The following RNF135 variants were observed in gnomAD, a reference collection of about 807,000 sequenced individuals.
RNF135 encodes the protein E3 ubiquitin-protein ligase RNF135.
Under a neutral mutation model 41.9 loss-of-function variants are expected in RNF135, and 46 were observed. The observed-to-expected ratio is 1.10, with a 90% CI of 0.87 to 1.40. RNF135 has a LOEUF of 1.40. Ranked by LOEUF, RNF135 falls within the 40% of genes most tolerant of loss-of-function variation. The probability of loss-of-function intolerance (pLI) is 0.00; values close to 1 mark genes in which losing one functional copy is unlikely to be tolerated. For missense variants in RNF135, 539 were observed against 549.8 expected, an observed-to-expected ratio of 0.98 and a Z score of 0.20; for synonymous variants, 238 against 223.8, an observed-to-expected ratio of 1.06 and a Z score of -0.57.
the RNF135 span, chr17:30,959,451 T>C: frequency 6.6e-6 from 1 of 152,160 alleles, no homozygotes; most frequent in Non-Finnish European, 1.5e-5. Flanking sequence ...TCCTGACAGA[T>C]AAAGTTCTCT....
chr17:30,992,036 A>G (rs1423386431), intron 3 of RNF135, among the ~76,000 whole-genome samples: 1 of 149,936 alleles, frequency 6.7e-6, no homozygotes, highest in African/African-American at 2.5e-5. Context: ...GGTTCAAGTG[A>G]TTCTCCTGCC....
intron 3 of RNF135, among the ~76,000 whole-genome samples, chr17:30,992,834 A>AT (rs1250573016): frequency 2.0e-5 from 3 of 151,428 alleles, no homozygotes; most frequent in East Asian, 3.9e-4. Flanking sequence ...AATTTTGTTC[A>AT]TTTTTTCTTT....
intron 1 of RNF135, chr17:30,978,754 G>A (rs1451556634): frequency 7.1e-5 from 9 of 126,936 alleles, no homozygotes; most frequent in African/African-American, 2.8e-4. Flanking sequence ...GGACCCTGCG[G>A]CCTTCCGCAG....
upstream of RNF135, among the ~76,000 whole-genome samples, chr17:30,966,890 A>T (rs116646163): frequency 1.7e-3 from 266 of 152,240 alleles, no homozygotes; most frequent in African/African-American, 6.3e-3. Flanking sequence ...TTTTTTGCAT[A>T]TATCTCAAAA....
Position 30,971,423 on chromosome 17 carries a change from G to T in RNF135, c.350G>T (p.Arg117Leu). ...CTCTCCAGCGCGGCCGCGAGGCCCC[G>T]GCGCCGCCCGGAACTGCAGCGGGTA... ...SSLSSAAARPRRRPELQRVAV... is the reference protein window; with the variant it reads ...SSLSSAAARPLRRPELQRVAV... Residue 117 changes from arginine (R) to leucine (L), a missense_variant, in exon 1 of 5, where the codon CGG (arginine) becomes CTG (leucine). Transcript: ENST00000328381. 1 of 1,515,232 alleles carries T rather than the reference G, an allele frequency of 6.6e-7. No homozygotes were observed. Among genetic ancestry groups the T allele is most frequent in the South Asian group, 1.2e-5 (1 of 82,208 alleles). The allele number at this position is 1,515,232 out of a possible 1,614,324, so 93.9% of individuals were successfully genotyped here.
At chr17:30,986,346 G>A (rs868850073) in intron 2 of RNF135, among the ~76,000 whole-genome samples, 46 of 152,078 alleles carry the variant, frequency 3.0e-4, no homozygotes, top group Middle Eastern at 3.4e-3. Flanking sequence ...ACAGGTGTCC[G>A]CCACCACTCC....
intron 2 of RNF135, among the ~76,000 whole-genome samples, chr17:30,985,042 G>C (rs1306221202): frequency 1.3e-5 from 2 of 152,110 alleles, no homozygotes; most frequent in African/African-American, 2.4e-5. Flanking sequence ...AAGCGTTCTG[G>C]TGCCTGTCTT....
In RNF135 at chr17:30,976,509, ACTTTT is replaced by A. The variant is rs150888115; in HGVS notation, c.372+5067_372+5071del. Among the ~76,000 whole-genome samples the A allele has an allele frequency of 3.3e-3, 504 of 152,256 alleles. 5 individuals carry two copies. Among genetic ancestry groups the A allele is most frequent in the African/African-American group, 0.012 (482 of 41,528 alleles). ...AGATTAAGTCCAATATTTCCTTGTTACTTTTCTGTCTGAATAATTTGTTCAATGCC... is the reference window on the plus strand; with the variant it reads ...AGATTAAGTCCAATATTTCCTTGTTACTGTCTGAATAATTTGTTCAATGCC... On this transcript the variant is annotated intron_variant, in intron 1 of 4. Transcript: ENST00000328381.
intron 2 of RNF135, among the ~76,000 whole-genome samples, chr17:30,985,593 C>G (rs775709273): frequency 1.1e-4 from 16 of 152,162 alleles, no homozygotes; most frequent in Non-Finnish European, 1.5e-4. Context: ...GAGACTTGCT[C>G]TAATCCAAGC....
At chr17:30,980,509 C>A (rs1268886875) in intron 1 of RNF135, among the ~76,000 whole-genome samples, 2 of 123,778 alleles carry the variant, frequency 1.6e-5, no homozygotes, top group Non-Finnish European at 3.5e-5. Flanking sequence ...GCTGACCCCC[C>A]CCACCTCCCT....
upstream of RNF135, chr17:30,970,399 A>G (rs1008074816): frequency 2.6e-5 from 4 of 152,370 alleles, no homozygotes; most frequent in African/African-American, 9.6e-5. Context: ...GACACAGCGC[A>G]CAACTCTGCA....
Position 30,971,084 on chromosome 17 carries a change from T to G in RNF135, c.11T>G (p.Leu4Arg). 6.5e-7 allele frequency: 1 copy of G among 1,534,166 alleles called. No individual in the cohort carries two copies. Among genetic ancestry groups the G allele is most frequent in the Non-Finnish European group, 8.7e-7 (1 of 1,146,026 alleles). MAG[L>R]GLGSAVPVWL... ...GGCCGCCTGTTGGCCATGGCGGGCC[T>G]GGGCCTGGGCTCCGCCGTTCCCGTG... The change falls in exon 1 of 5, where the codon CTG becomes CGG. Residue 4 changes from leucine (L) to arginine (R), a missense_variant. Leu to Arg is a moderately radical substitution (Grantham distance 102, BLOSUM62 -2). Transcript: ENST00000328381.
the RNF135 span, among the ~76,000 whole-genome samples, chr17:30,961,979 A>G: frequency 6.6e-6 from 1 of 151,976 alleles, no homozygotes; most frequent in African/African-American, 2.4e-5. Context: ...ATAATCACAT[A>G]AGACTCCCAT....
rs1367721663 is a variant in RNF135 at position 30,976,709 on chromosome 17, T to TAAA, written c.372+5265_372+5266insAAA. On this transcript the variant is annotated intron_variant, in intron 1 of 4. Transcript: ENST00000328381. ...CTCCATCATTATAAACTTTGTCTTT[T>TAAA]ATTATAGATTTTGTTTTGAAATCTA... Among the ~76,000 whole-genome samples the TAAA allele has an allele frequency of 5.2e-3, 800 of 152,384 alleles. 10 individuals are homozygous for TAAA. The highest frequency in any genetic ancestry group is 0.018 in the African/African-American group (762 of 41,594).
At chr17:30,983,353 A>ATATATATATATATATATATATTTTT (rs1420453160) in intron 1 of RNF135, among the ~76,000 whole-genome samples, 1 of 35,742 alleles carries the variant, frequency 2.8e-5, no homozygotes, top group Non-Finnish European at 5.4e-5. Flanking sequence ...ATATATATAT[A>ATATATATATATATATATATATTTTT]TTTTTTTTTT....
At chr17:30,961,374 C>T in the RNF135 span, among the ~76,000 whole-genome samples, 1 of 152,148 alleles carries the variant, frequency 6.6e-6, no homozygotes, top group African/African-American at 2.4e-5. Flanking sequence ...CTAATTCAAG[C>T]AAAGCTATCT....
intron 1 of RNF135, among the ~76,000 whole-genome samples, chr17:30,983,310 CATATATGTACATATAT>C (rs1567742997): frequency 2.4e-4 from 11 of 46,214 alleles, no homozygotes; most frequent in African/African-American, 6.1e-4. Flanking sequence ...ATTCTAATTA[CATATATGTACATATAT>C]ATATATATAT....
intron 1 of RNF135, among the ~76,000 whole-genome samples, chr17:30,981,265 C>G (rs950322091): frequency 2.0e-4 from 29 of 148,456 alleles, no homozygotes; most frequent in Non-Finnish European, 3.4e-4. Context: ...CAGGCTGAGG[C>G]AGGAGAATCA....
the RNF135 span, among the ~76,000 whole-genome samples, chr17:30,965,795 T>C: frequency 0.046 from 6,963 of 152,264 alleles, 548 homozygotes; most frequent in African/African-American, 0.16. Context: ...TGCTGCTGAT[T>C]GGTTGGGGAT....
Sources: allele counts gnomAD v4.1 joint callset (sites outside exome capture counted in the v4.1 genomes callset), GRCh38; gene constraint gnomAD v4.1.1; transcripts MANE v1.5; gene names NCBI Gene and HGNC (gene_info 2026-07-23, HGNC 2026-07-21).